NCKAP5L: variants seen among roughly 807,000 people sequenced by gnomAD.
NCKAP5L encodes the protein nck-associated protein 5-like.
Under a neutral mutation model 103.2 loss-of-function variants are expected in NCKAP5L, and 54 were observed. The observed-to-expected ratio is 0.52, with a 90% confidence interval of 0.42 to 0.66. NCKAP5L has a LOEUF of 0.66. NCKAP5L is among the 30% of genes least tolerant of loss of function. The pLI is 0.00. For missense variants in NCKAP5L, 1,733 were observed against 1,750.6 expected, an observed-to-expected ratio of 0.99 and a Z score of 0.18; for synonymous variants, 762 against 748.6, an observed-to-expected ratio of 1.02 and a Z score of -0.29.
At chr12:49,819,031 T>TA (rs528968275) in intron 1 of NCKAP5L, among the ~76,000 whole-genome samples, 8,275 of 122,350 alleles carry the variant, frequency 0.068, 437 homozygotes, top group East Asian at 0.17. Flanking sequence ...ACCTTGTATT[T>TA]AAAAAAAAAA....
chr12:49,813,279 G>A (rs1432091394), intron 1 of NCKAP5L, among the ~76,000 whole-genome samples: 1 of 152,120 alleles, frequency 6.6e-6, no homozygotes, highest in Non-Finnish European at 1.5e-5. Flanking sequence ...GTGTATGAGG[G>A]TTCCAATTTC....
intron 1 of NCKAP5L, among the ~76,000 whole-genome samples, chr12:49,807,373 T>G (rs1946192375): frequency 6.6e-6 from 1 of 152,116 alleles, no homozygotes; most frequent in Non-Finnish European, 1.5e-5. Context: ...GGGTCTCACC[T>G]CACTGCCCAG....
Position 49,797,496 on chromosome 12 carries a change from A to G in NCKAP5L, c.466-102T>C. 1.2e-6 allele frequency: 1 copy of G among 859,852 alleles called. No individual in the cohort carries two copies. The allele number at this position is 859,852 out of a possible 1,614,324, so 53.3% of individuals were successfully genotyped here. A position where few individuals can be genotyped will look rare whatever the true frequency, so the allele number is the denominator to read the frequency against. On this transcript the variant is annotated intron_variant, in intron 7 of 12. Coordinates refer to ENST00000335999, the MANE Select transcript of NCKAP5L (RefSeq NM_001037806.4). The surrounding 1 kb of genome is among the most constrained non-coding windows in gnomAD (Gnocchi z 4.5). Reference sequence around the variant, plus strand: ...GCTTAACAGGGAATGCCAGGAACAGAGCTGGCCTGGTTGTGTCTGTGTCCC... The same window carrying G: ...GCTTAACAGGGAATGCCAGGAACAGGGCTGGCCTGGTTGTGTCTGTGTCCC...
chr12:49,793,279 G>A, intron 10 of NCKAP5L, 73 bp downstream of exon 10: 1 of 1,459,514 alleles, frequency 6.9e-7, no homozygotes, highest in South Asian at 1.2e-5. Context: ...TGCGGGGACG[G>A]GAAGAAGTAA....
intron 2 of NCKAP5L, chr12:49,805,316 C>T (rs1031502135): frequency 6.6e-6 from 1 of 152,330 alleles, no homozygotes; most frequent in Non-Finnish European, 1.5e-5. Flanking sequence ...AAGCTCATGA[C>T]CACATCCAGC....
Position 49,792,879 on chromosome 12 carries a change from G to A in NCKAP5L, c.3448C>T (p.Pro1150Ser), listed in dbSNP as rs1319108198. The change falls in exon 11 of 13, where the codon CCG (proline) becomes TCG (serine). Residue 1150 changes from proline to serine, a missense_variant. Pro to Ser is a moderately conservative substitution (Grantham distance 74). Transcript: ENST00000335999. The surrounding 1 kb of genome is among the most constrained non-coding windows in gnomAD (Gnocchi z 4.5). ...PSKNLPKTKPPRLDPPPGVPP... is the reference protein window; with the variant it reads ...PSKNLPKTKPSRLDPPPGVPP... The stretch of plus-strand genomic sequence containing the variant: ...ACCCCAGGTGGGGGATCCAGCCGCG[G>A]TGGCTTGGTCTTAGGAAGATTCTTG... 2 of 1,547,482 alleles carry A rather than the reference G, an allele frequency of 1.3e-6. No homozygotes were observed. The highest frequency in any genetic ancestry group is 1.2e-5 in the South Asian group (1 of 82,042).
intron 1 of NCKAP5L, among the ~76,000 whole-genome samples, chr12:49,818,835 T>A (rs1946329257): frequency 6.6e-6 from 1 of 152,072 alleles, no homozygotes; most frequent in Non-Finnish European, 1.5e-5. Flanking sequence ...AAGGGAACCC[T>A]TGTACACCAC....
chr12:49,803,644 G>A (rs1946146775), intron 3 of NCKAP5L, among the ~76,000 whole-genome samples: 2 of 152,158 alleles, frequency 1.3e-5, no homozygotes, highest in Admixed American at 6.5e-5. Context: ...GCAGAGGCAT[G>A]AGAGGTAAGG....
At chr12:49,809,787 C>A (rs994914408) in intron 1 of NCKAP5L, among the ~76,000 whole-genome samples, 5 of 152,140 alleles carry the variant, frequency 3.3e-5, no homozygotes, top group African/African-American at 1.2e-4. Flanking sequence ...TAATCCCTGA[C>A]CCAAAGCATC....
Position 49,791,388 on chromosome 12 carries a change from G to T in NCKAP5L, c.*451C>A. Reference sequence around the variant, plus strand: ...GGGAGGACCAGGGCAGAGAGAGAAGGCAACTTGTCCCCCTGGCCCCCAAAC... The same window carrying T: ...GGGAGGACCAGGGCAGAGAGAGAAGTCAACTTGTCCCCCTGGCCCCCAAAC... On this transcript the variant is annotated 3_prime_UTR_variant, in exon 13 of 13. Transcript: ENST00000335999. The T allele has an allele frequency of 6.4e-6, 1 of 157,170 alleles. No individual in the cohort carries two copies. The highest frequency in any genetic ancestry group is 1.4e-5 in the Non-Finnish European group (1 of 71,630). 9.7% of individuals were successfully genotyped at this position (157,170 alleles called of 1,614,324 possible). A position where few individuals can be genotyped will look rare whatever the true frequency, so the allele number is the denominator to read the frequency against.
chr12:49,793,568 G>A, intron 9 of NCKAP5L, 135 bp from the exon 10 acceptor site: 1 of 1,219,862 alleles, frequency 8.2e-7, no homozygotes. Flanking sequence ...GGATCTGAGA[G>A]CCCCTGCAGA....
Position 49,795,013 on chromosome 12 carries a change from C to T in NCKAP5L, c.2847G>A (p.Pro949=), listed in dbSNP as rs763424318. 1.9e-6 allele frequency: 3 copies of T among 1,602,658 alleles called. No homozygotes were observed. The highest frequency in any genetic ancestry group is 1.7e-5 in the Admixed American group (1 of 58,120). ...CTTCCATCTTGACTTCCCTCCGGAGCGGGGAGCCCCCGCCAGCCCCCTCCT... is the reference window on the plus strand; with the variant it reads ...CTTCCATCTTGACTTCCCTCCGGAGTGGGGAGCCCCCGCCAGCCCCCTCCT... The part of the protein sequence containing the change: ...KNKEGAGGGS[P]LRREVKMEAR... The change falls in exon 8 of 13, where the codon CCG becomes CCA. Residue 949 remains proline (P), a synonymous_variant. Transcript: ENST00000335999.
At chr12:49,819,236 T>C (rs1946334808) in intron 1 of NCKAP5L, among the ~76,000 whole-genome samples, 1 of 150,538 alleles carries the variant, frequency 6.6e-6, no homozygotes. Flanking sequence ...AGCTTGAACC[T>C]GGGAGGTGGA....
Position 49,792,906 on chromosome 12 carries a change from T to C in NCKAP5L, c.3421A>G (p.Ser1141Gly), listed in dbSNP as rs1170300714. ...GGCTTGGTCTTAGGAAGATTCTTGC[T>C]GGGGGTCCCACTGCTACCATGGTCT... ...PPDHGSSGTPSKNLPKTKPPR... is the reference protein window; with the variant it reads ...PPDHGSSGTPGKNLPKTKPPR... The change falls in exon 11 of 13, where the codon AGC (serine) becomes GGC (glycine). Residue 1141 changes from serine to glycine, a missense_variant. Ser to Gly is a moderately conservative substitution (Grantham distance 56). Transcript: ENST00000335999. The surrounding 1 kb of genome is among the most constrained non-coding windows in gnomAD (Gnocchi z 4.5). 6.5e-7 allele frequency: 1 copy of C among 1,543,432 alleles called. No individual in the cohort carries two copies. Among genetic ancestry groups the C allele is most frequent in the South Asian group, 1.2e-5 (1 of 81,952 alleles).
At chr12:49,798,502 G>C in intron 6 of NCKAP5L, 39 bp from the exon 7 acceptor site, 1 of 1,491,284 alleles carries the variant, frequency 6.7e-7, no homozygotes, top group Non-Finnish European at 9.2e-7. Context: ...GTAGCTGTCT[G>C]ACCCCAGCTC....
At chr12:49,798,214 G>T in intron 7 of NCKAP5L, 136 bp downstream of exon 7, 1 of 791,802 alleles carries the variant, frequency 1.3e-6, no homozygotes. Flanking sequence ...CTAGGATTGG[G>T]GATCTGCTTT....
At position 49,819,169 on chromosome 12, in the gene NCKAP5L, G is replaced by A. The variant is rs147072550; in HGVS notation, c.-99+9153C>T. ...CTATTAAAACTACAAAAAATTAGCCGGGCGTGGTCGTGGGCACCTGTAGTC... is the reference window on the plus strand; with the variant it reads ...CTATTAAAACTACAAAAAATTAGCCAGGCGTGGTCGTGGGCACCTGTAGTC... On this transcript the variant is annotated intron_variant, in intron 1 of 12. Transcript: ENST00000335999. 9.7e-3 allele frequency among the ~76,000 whole-genome samples: 1,475 copies of A among 152,028 alleles called. 9 individuals carry two copies. Among genetic ancestry groups the A allele is most frequent in the Non-Finnish European group, 0.015 (1,046 of 67,964 alleles).
chr12:49,818,358 G>A (rs1946323369), intron 1 of NCKAP5L, among the ~76,000 whole-genome samples: 1 of 152,070 alleles, frequency 6.6e-6, no homozygotes, highest in African/African-American at 2.4e-5. Flanking sequence ...AGGAGAAAAT[G>A]TTTGTAAACC....
chr12:49,801,719 C>T, intron 6 of NCKAP5L, 129 bp downstream of exon 6: 1 of 1,178,094 alleles, frequency 8.5e-7, no homozygotes, highest in Non-Finnish European at 1.2e-6. Context: ...GTTTCCATAC[C>T]CCCAGAATGG....
Sources: allele counts gnomAD v4.1 joint callset (sites outside exome capture counted in the v4.1 genomes callset), GRCh38; gene constraint gnomAD v4.1.1; non-coding constraint Gnocchi (gnomAD v3.1); transcripts MANE v1.5; gene names NCBI Gene and HGNC (gene_info 2026-07-23, HGNC 2026-07-21).